CAST: variants seen among roughly 807,000 people sequenced by gnomAD.
CAST encodes MIR583 host.
A neutral mutation model predicts 119.6 loss-of-function variants in CAST; 76 were observed. The ratio of observed to expected loss-of-function variants is 0.64; its 90% CI spans 0.53 to 0.77. The LOEUF (loss-of-function observed/expected upper bound fraction) is 0.77. Ranked by LOEUF, CAST falls within the 30% of genes least tolerant of loss-of-function variation. The pLI, the probability that CAST is intolerant of heterozygous loss-of-function variation, is 0.00. For synonymous variants in CAST, 319 were observed against 331.6 expected (o/e 0.96, Z 0.41); for missense variants, 953 against 946.5 (o/e 1.01, Z -0.09).
chr5:96,430,046 G>C, the CAST span, among the ~76,000 whole-genome samples: 1 of 152,188 alleles, frequency 6.6e-6, no homozygotes, highest in Admixed American at 6.5e-5. Context: ...AATTATCGTT[G>C]TTATAAAATG....
the CAST span, among the ~76,000 whole-genome samples, chr5:96,513,902 C>A: frequency 6.6e-6 from 1 of 152,188 alleles, no homozygotes; most frequent in African/African-American, 2.4e-5. Context: ...GGATAGAATC[C>A]TTTCTTGCCT....
At chr5:96,029,346 T>G in the CAST span, among the ~76,000 whole-genome samples, 3 of 152,122 alleles carry the variant, frequency 2.0e-5, no homozygotes, top group Non-Finnish European at 4.4e-5. Flanking sequence ...AAAAAACAGA[T>G]ATGACTTTGG....
At chr5:96,332,523 C>T in the CAST span, among the ~76,000 whole-genome samples, 4 of 151,648 alleles carry the variant, frequency 2.6e-5, no homozygotes, top group Middle Eastern at 3.4e-3. Context: ...TGGTTGTGTA[C>T]GTCTAAAATC....
intron 1 of CAST, among the ~76,000 whole-genome samples, chr5:96,622,961 T>G (rs1747648473): frequency 6.9e-6 from 1 of 145,010 alleles, no homozygotes; most frequent in African/African-American, 2.5e-5. Context: ...CTTTCCAGAT[T>G]CAAGCTATTC....
chr5:96,234,358 A>G, the CAST span, among the ~76,000 whole-genome samples: 1 of 152,212 alleles, frequency 6.6e-6, no homozygotes, highest in African/African-American at 2.4e-5. Context: ...CTCTACAGCA[A>G]TTGAACATTT....
chr5:96,432,536 A>G, the CAST span, among the ~76,000 whole-genome samples: 1 of 152,180 alleles, frequency 6.6e-6, no homozygotes, highest in East Asian at 1.9e-4. Context: ...GCTTGAGTGT[A>G]TCTCAAGTTC....
At chr5:96,264,762 G>A in the CAST span, among the ~76,000 whole-genome samples, 2 of 152,188 alleles carry the variant, frequency 1.3e-5, no homozygotes, top group South Asian at 4.1e-4. Flanking sequence ...ATCTGTTTTT[G>A]TACTTCATAT....
At chr5:96,149,588 A>G in the CAST span, among the ~76,000 whole-genome samples, 1 of 152,196 alleles carries the variant, frequency 6.6e-6, no homozygotes, top group African/African-American at 2.4e-5. Context: ...AGGGCAAATC[A>G]TGGGGGTTAG....
At chr5:96,646,675 C>G (rs1748017772) in intron 1 of CAST, among the ~76,000 whole-genome samples, 2 of 152,106 alleles carry the variant, frequency 1.3e-5, no homozygotes, top group South Asian at 4.1e-4. Context: ...TGGGGCTGCA[C>G]ATGTAAACAG....
At chr5:95,965,650 T>C in the CAST span, among the ~76,000 whole-genome samples, 1 of 152,248 alleles carries the variant, frequency 6.6e-6, no homozygotes, top group Non-Finnish European at 1.5e-5. Context: ...CCTTGTGCAA[T>C]GGTTGTGTTT....
At chr5:96,308,522 G>A in the CAST span, among the ~76,000 whole-genome samples, 4 of 151,870 alleles carry the variant, frequency 2.6e-5, no homozygotes, top group African/African-American at 7.3e-5. Flanking sequence ...GATCCTTTGC[G>A]GGAGAGGAGG....
intron 1 of CAST, among the ~76,000 whole-genome samples, chr5:96,599,972 A>AAAAAAAAAAG (rs1554070009): frequency 0.25 from 35,044 of 142,252 alleles, 5,400 homozygotes; most frequent in Middle Eastern, 0.36. Flanking sequence ...TAGGCAAAAA[A>AAAAAAAAAAG]AAAAAAAAAA....
intron 1 of CAST, among the ~76,000 whole-genome samples, chr5:96,632,912 G>A (rs61209585): frequency 0.021 from 3,235 of 152,164 alleles, 43 homozygotes; most frequent in African/African-American, 0.039. Flanking sequence ...GTCCCTTGCC[G>A]TTGGAAATTT....
chr5:96,576,608 G>T (rs1035788853), intron 1 of CAST, among the ~76,000 whole-genome samples: 3 of 152,016 alleles, frequency 2.0e-5, no homozygotes, highest in Admixed American at 6.6e-5. Flanking sequence ...ACCTCCCAAA[G>T]TGCTGGGATT....
intron 1 of CAST, among the ~76,000 whole-genome samples, chr5:96,535,600 G>A (rs7729353): frequency 7.5e-4 from 91 of 121,074 alleles, no homozygotes; most frequent in African/African-American, 2.9e-3. Context: ...TTGAGACGGA[G>A]TCTCGCTCTG....
chr5:96,034,462 TAC>T, the CAST span, among the ~76,000 whole-genome samples: 4,949 of 101,724 alleles, frequency 0.049, 116 homozygotes, highest in South Asian at 0.11. Context: ...GTATATATCA[TAC>T]ACACACACAC....
At chr5:96,222,652 A>ACAT in the CAST span, among the ~76,000 whole-genome samples, 1 of 152,154 alleles carries the variant, frequency 6.6e-6, no homozygotes, top group African/African-American at 2.4e-5. Context: ...ATTATTATAC[A>ACAT]CCATTGATGG....
At chr5:96,662,176 G>C (rs1332098348), upstream of CAST, 1 of 425,290 alleles carries the variant, frequency 2.4e-6, no homozygotes, top group East Asian at 4.1e-5. Context: ...GTGAGGACCG[G>C]GGCGGAGGGT....
chr5:96,534,520 T>G (rs1448128512), intron 1 of CAST, among the ~76,000 whole-genome samples: 1 of 151,304 alleles, frequency 6.6e-6, no homozygotes, highest in East Asian at 1.9e-4. Context: ...AATACAAAAA[T>G]TAGCCAGGTG....
Sources: gnomAD v4.1 joint callset for allele counts (sites outside exome capture counted in the v4.1 genomes callset) on GRCh38, gnomAD v4.1.1 for gene constraint, MANE v1.5 for transcripts, NCBI Gene and HGNC (gene_info 2026-07-23, HGNC 2026-07-21) for gene names.